The following GPR55 variants were observed in gnomAD, a reference collection of about 807,000 sequenced individuals.
GPR55 encodes the protein G protein-coupled receptor 55.
GPR55 carries 6 observed loss-of-function variants against 7.9 expected under a neutral mutation model. The ratio of observed to expected loss-of-function variants is 0.76; its 90% CI spans 0.41 to 1.49. The LOEUF (loss-of-function observed/expected upper bound fraction) is 1.49. Ranked by LOEUF, GPR55 falls within the 40% of genes most tolerant of loss-of-function variation. The pLI is 0.01. For missense variants in GPR55, 376 were observed against 406.0 expected (o/e 0.93, Z 0.63); for synonymous variants, 183 against 166.8 (o/e 1.10, Z -0.75).
intron 1 of GPR55, among the ~76,000 whole-genome samples, chr2:230,954,908 C>G (rs1428852304): frequency 6.6e-6 from 1 of 152,220 alleles, no homozygotes; most frequent in African/African-American, 2.4e-5. Flanking sequence ...AATTACTGTA[C>G]TCTTTCTCCC....
chr2:230,946,553 C>T (rs1379942966), intron 1 of GPR55, among the ~76,000 whole-genome samples: 1 of 152,194 alleles, frequency 6.6e-6, no homozygotes, highest in Non-Finnish European at 1.5e-5. Context: ...AAAGTGTCCT[C>T]ATCAGAAGAG....
At chr2:230,961,182 G>A (rs901427655), upstream of GPR55, 1 of 152,240 alleles carries the variant, frequency 6.6e-6, no homozygotes, top group Non-Finnish European at 1.5e-5. Flanking sequence ...TCCATCGGGG[G>A]AGAAAAAGAG....
intron 1 of GPR55, among the ~76,000 whole-genome samples, chr2:230,940,880 G>A (rs898287154): frequency 2.0e-5 from 3 of 152,168 alleles, no homozygotes; most frequent in African/African-American, 7.2e-5. Context: ...AATTTGGGAG[G>A]CCAAGGCGGG....
At chr2:230,941,191 G>A (rs1007336129) in intron 1 of GPR55, among the ~76,000 whole-genome samples, 8 of 152,102 alleles carry the variant, frequency 5.3e-5, no homozygotes, top group African/African-American at 1.9e-4. Context: ...GAACCCTCTA[G>A]ATGCTCTGTC....
rs1690672179 is a variant in GPR55 at position 230,914,780 on chromosome 2, T to G, written c.-134-3684A>C. Among the ~76,000 whole-genome samples, 4 of 152,288 alleles carry G rather than the reference T, an allele frequency of 2.6e-5. No homozygotes were observed. The South Asian group carries it at 8.3e-4, about 32-fold the overall frequency. ...CCCCAATCAAGCAATGGTACTGTAG[T>G]TGGCTGGGTGGGAGGTTGAGTCCCC... On this transcript the variant is annotated intron_variant, in intron 1 of 1. Coordinates refer to ENST00000650999, the MANE Select transcript of GPR55 (RefSeq NM_005683.4).
intron 1 of GPR55, among the ~76,000 whole-genome samples, chr2:230,938,528 G>T (rs957977123): frequency 2.0e-5 from 3 of 152,174 alleles, no homozygotes; most frequent in African/African-American, 7.2e-5. Flanking sequence ...GGTATTTCCT[G>T]ATGTCTCTTC....
At chr2:230,932,466 G>A (rs919157232) in intron 1 of GPR55, among the ~76,000 whole-genome samples, 2 of 152,296 alleles carry the variant, frequency 1.3e-5, no homozygotes, top group Admixed American at 1.3e-4. Context: ...AACGTTACAT[G>A]AAGGGGAAGC....
intron 1 of GPR55, among the ~76,000 whole-genome samples, chr2:230,911,918 T>C (rs1293443915): frequency 6.6e-6 from 1 of 152,060 alleles, no homozygotes; most frequent in Non-Finnish European, 1.5e-5. Flanking sequence ...GTGAGTGCCA[T>C]TGTGGGGTTC....
intron 1 of GPR55, among the ~76,000 whole-genome samples, chr2:230,957,349 G>A (rs1691506870): frequency 1.3e-5 from 2 of 152,228 alleles, no homozygotes; most frequent in East Asian, 1.9e-4. Context: ...CCGGCACTGC[G>A]ATACCATGAC....
chr2:230,933,515 G>A (rs116694656), intron 1 of GPR55, among the ~76,000 whole-genome samples: 310 of 152,342 alleles, frequency 2.0e-3, no homozygotes, highest in African/African-American at 7.0e-3. Context: ...CAGCCACCTG[G>A]GGACTGGCCT....
chr2:230,928,267 CAGCAACAAGA>C (rs1690975763), upstream of GPR55, among the ~76,000 whole-genome samples: 1 of 152,098 alleles, frequency 6.6e-6, no homozygotes, highest in South Asian at 2.1e-4. Flanking sequence ...AGGGCACCAG[CAGCAACAAGA>C]AGGAATGAGG....
Position 230,910,592 on chromosome 2 carries a change from C to T in GPR55, c.371G>A (p.Arg124His), listed in dbSNP as rs751062094. 5.3e-5 allele frequency: 86 copies of T among 1,613,968 alleles called. 1 individual carries two copies. Among genetic ancestry groups the T allele is most frequent in the South Asian group, 2.1e-4 (19 of 91,082 alleles). ...FISMDRFLAI[R>H]YPLLVSHLRS... ...GAGGTGGCTCACCAGTAGCGGGTAA[C>T]GGATGGCCAAGAACCGGTCCATGCT... The change falls in exon 2 of 2, where the codon CGT (arginine) becomes CAT (histidine). Residue 124 changes from arginine to histidine, a missense_variant. Arg to His is a conservative substitution (Grantham distance 29, BLOSUM62 0). Coordinates refer to ENST00000650999, the MANE Select transcript of GPR55 (RefSeq NM_005683.4). The surrounding 1 kb of genome is among the most constrained non-coding windows in gnomAD (Gnocchi z 5.4).
chr2:230,951,123 A>AC (rs1416954697), intron 1 of GPR55, among the ~76,000 whole-genome samples: 1 of 152,108 alleles, frequency 6.6e-6, no homozygotes, highest in Non-Finnish European at 1.5e-5. Context: ...CGTTGTGGGA[A>AC]CCCCAACTTG....
intron 1 of GPR55, among the ~76,000 whole-genome samples, chr2:230,946,967 G>A (rs903965770): frequency 2.0e-5 from 3 of 152,192 alleles, no homozygotes; most frequent in Admixed American, 6.5e-5. Flanking sequence ...ACCCCAAAAA[G>A]TAAATAAGAA....
chr2:230,958,922 T>C (rs1691530252), intron 1 of GPR55, among the ~76,000 whole-genome samples: 1 of 152,198 alleles, frequency 6.6e-6, no homozygotes, highest in Non-Finnish European at 1.5e-5. Context: ...CATTCTTCCA[T>C]GAAGACAAGC....
upstream of GPR55, among the ~76,000 whole-genome samples, chr2:230,929,325 G>A (rs3111777): frequency 0.1 from 15,146 of 152,056 alleles, 765 homozygotes; most frequent in Middle Eastern, 0.14. Context: ...CCCCAACTCG[G>A]GGCCCTGATA....
intron 1 of GPR55, among the ~76,000 whole-genome samples, chr2:230,942,155 C>G (rs1691243032): frequency 6.6e-6 from 1 of 152,196 alleles, no homozygotes; most frequent in African/African-American, 2.4e-5. Context: ...CTGTCAGAAC[C>G]AACAGAACAG....
intron 1 of GPR55, among the ~76,000 whole-genome samples, chr2:230,946,871 G>A (rs1165446925): frequency 6.6e-6 from 1 of 152,250 alleles, no homozygotes; most frequent in Non-Finnish European, 1.5e-5. Flanking sequence ...GGGTGCTCAT[G>A]TGGTTCTTTA....
intron 1 of GPR55, among the ~76,000 whole-genome samples, chr2:230,946,233 G>C (rs1691311914): frequency 6.6e-6 from 1 of 152,174 alleles, no homozygotes; most frequent in Admixed American, 6.5e-5. Context: ...GTGGAAGGGG[G>C]AGATGTTGGT....
Sources: allele counts gnomAD v4.1 joint callset (sites outside exome capture counted in the v4.1 genomes callset), GRCh38; gene constraint gnomAD v4.1.1; non-coding constraint Gnocchi (gnomAD v3.1); transcripts MANE v1.5; gene names NCBI Gene and HGNC (gene_info 2026-07-23, HGNC 2026-07-21).